ZBBX: variants seen among roughly 807,000 people sequenced by gnomAD.
ZBBX encodes the protein zinc finger B-box domain-containing protein 1.
In ZBBX, 101 loss-of-function variants were observed where a neutral mutation model predicts 108.5. The ratio of observed to expected loss-of-function variants is 0.93; its 90% CI spans 0.79 to 1.10. ZBBX has a LOEUF of 1.10. ZBBX is among the 50% of genes least tolerant of loss of function. ZBBX has a pLI of 0.00. For synonymous variants in ZBBX, 356 were observed against 323.4 expected (o/e 1.10, Z -1.08); for missense variants, 1,009 against 941.4 (o/e 1.07, Z -0.94).
chr3:167,396,175 C>CTTT, intron 1 of ZBBX, among the ~76,000 whole-genome samples: 1 of 152,134 alleles, frequency 6.6e-6, no homozygotes, highest in South Asian at 2.1e-4. Flanking sequence ...TCATAACCAT[C>CTTT]TTTAGTCTTT....
chr3:167,342,065 A>C (rs1740630659), intron 9 of ZBBX, among the ~76,000 whole-genome samples: 1 of 151,898 alleles, frequency 6.6e-6, no homozygotes. Flanking sequence ...AATGAATAAC[A>C]TCTTTAGGTA....
chr3:167,283,546 C>T (rs938803358), intron 19 of ZBBX, among the ~76,000 whole-genome samples: 3 of 152,156 alleles, frequency 2.0e-5, no homozygotes, highest in Admixed American at 2.0e-4. Flanking sequence ...TAACATTGTT[C>T]TCACTCTAGT....
At chr3:167,386,141 G>T (rs1196403465) in intron 1 of ZBBX, among the ~76,000 whole-genome samples, 7 of 151,786 alleles carry the variant, frequency 4.6e-5, no homozygotes, top group African/African-American at 9.7e-5. Context: ...AAGAAAGAAA[G>T]GATAAAAGGT....
At chr3:167,313,532 C>T (rs1384475722) in intron 16 of ZBBX, among the ~76,000 whole-genome samples, 5 of 151,994 alleles carry the variant, frequency 3.3e-5, no homozygotes, top group East Asian at 1.9e-4. Flanking sequence ...ATCCACCCAC[C>T]TCGCCTCCCA....
chr3:167,211,899 C>A, the ZBBX span, among the ~76,000 whole-genome samples: 4 of 152,224 alleles, frequency 2.6e-5, no homozygotes, highest in African/African-American at 9.6e-5. Context: ...GTTAGCCATT[C>A]CAGCCTTTGG....
At chr3:167,400,466 G>A (rs185676419) in intron 1 of ZBBX, among the ~76,000 whole-genome samples, 184 of 152,182 alleles carry the variant, frequency 1.2e-3, no homozygotes, top group Non-Finnish European at 2.1e-3. Flanking sequence ...GTGATGATAA[G>A]CATTTTTTCA....
the ZBBX span, among the ~76,000 whole-genome samples, chr3:167,216,038 G>A: frequency 3.3e-5 from 5 of 152,066 alleles, no homozygotes; most frequent in African/African-American, 1.2e-4. Flanking sequence ...GTGGGGAAAA[G>A]CTAGAAGCAT....
At position 167,314,003 on chromosome 3, in the gene ZBBX, C is replaced by T; in HGVS notation, c.1388G>A (p.Ser463Asn). The change falls in exon 16 of 22, where the codon AGC becomes AAC. Residue 463 changes from serine (S) to asparagine (N), a missense_variant. Transcript: ENST00000675490. Reference sequence around the variant, plus strand: ...TGAATTATCTTTATAATAAGTAGAGCTGTTTCTCAGACAAAGATTTAAGAA... The same window carrying T: ...TGAATTATCTTTATAATAAGTAGAGTTGTTTCTCAGACAAAGATTTAAGAA... ...RDFLNLCLRNSSTYYKDNSKA... is the reference protein window; with the variant it reads ...RDFLNLCLRNNSTYYKDNSKA... 3 of 1,602,882 alleles carry T rather than the reference C, an allele frequency of 1.9e-6. No individual in the cohort carries two copies. Among genetic ancestry groups the T allele is most frequent in the South Asian group, 1.1e-5 (1 of 88,542 alleles).
chr3:167,213,082 A>C, the ZBBX span, among the ~76,000 whole-genome samples: 1 of 152,208 alleles, frequency 6.6e-6, no homozygotes, highest in Admixed American at 6.5e-5. Context: ...ACCCACACAC[A>C]GGGATGAGAA....
At chr3:167,185,229 A>C in the ZBBX span, among the ~76,000 whole-genome samples, 8 of 152,320 alleles carry the variant, frequency 5.3e-5, no homozygotes, top group African/African-American at 1.9e-4. Flanking sequence ...ACAGCATTTT[A>C]AAATCTCAAA....
At chr3:167,378,024 C>T (rs1747236820) in intron 2 of ZBBX, among the ~76,000 whole-genome samples, 1 of 152,186 alleles carries the variant, frequency 6.6e-6, no homozygotes, top group Non-Finnish European at 1.5e-5. Flanking sequence ...TCATCCTTCT[C>T]TTTCCTGCCA....
At chr3:167,397,561 T>G (rs143834176) in intron 1 of ZBBX, among the ~76,000 whole-genome samples, 3,081 of 151,948 alleles carry the variant, frequency 0.02, 111 homozygotes, top group African/African-American at 0.071. Context: ...TAGAGAGTTG[T>G]GTTGACCAGC....
chr3:167,277,499 A>G (rs983151596), intron 20 of ZBBX, among the ~76,000 whole-genome samples: 1 of 152,160 alleles, frequency 6.6e-6, no homozygotes, highest in Admixed American at 6.5e-5. Context: ...AAAGAGACAA[A>G]GAAGGCCATT....
the ZBBX span, among the ~76,000 whole-genome samples, chr3:167,194,534 A>G: frequency 6.6e-6 from 1 of 152,204 alleles, no homozygotes; most frequent in Non-Finnish European, 1.5e-5. Context: ...GTATTTCAGA[A>G]TTTGGAAGTG....
At chr3:167,213,148 A>T in the ZBBX span, among the ~76,000 whole-genome samples, 1 of 152,194 alleles carries the variant, frequency 6.6e-6, no homozygotes, top group African/African-American at 2.4e-5. Context: ...TATATCCTAC[A>T]AATGATCACA....
At chr3:167,235,675 T>C (rs1720207794), downstream of ZBBX, among the ~76,000 whole-genome samples, 1 of 151,666 alleles carries the variant, frequency 6.6e-6, no homozygotes, top group Non-Finnish European at 1.5e-5. Flanking sequence ...CAATTAATTC[T>C]TTTCATTTTA....
Position 167,283,853 on chromosome 3 carries a change from G to A in ZBBX, c.1997-1358C>T, listed in dbSNP as rs541105835. On this transcript the variant is annotated intron_variant, in intron 19 of 21. Transcript: ENST00000675490. ...AGATGGGGTTTCACCATGTTGGCCA[G>A]GATGGTCTTGATCTCCAGACTTCAT... Among the ~76,000 whole-genome samples, 2 of 152,188 alleles carry A rather than the reference G, an allele frequency of 1.3e-5. 1 individual carries two copies. Among genetic ancestry groups the A allele is most frequent in the South Asian group, 4.1e-4 (2 of 4,828 alleles).
At chr3:167,351,423 A>T (rs1742629147) in intron 8 of ZBBX, among the ~76,000 whole-genome samples, 1 of 152,084 alleles carries the variant, frequency 6.6e-6, no homozygotes, top group Non-Finnish European at 1.5e-5. Flanking sequence ...CCTGAGAGAG[A>T]ACACTGGAAT....
intron 9 of ZBBX, among the ~76,000 whole-genome samples, chr3:167,348,333 A>C (rs1034639322): frequency 9.3e-6 from 1 of 107,320 alleles, no homozygotes; most frequent in African/African-American, 3.8e-5. Flanking sequence ...AGAAAGAAAG[A>C]AAGAAAGAAA....
Sources: gnomAD v4.1 joint callset for allele counts (sites outside exome capture counted in the v4.1 genomes callset) on GRCh38, gnomAD v4.1.1 for gene constraint, MANE v1.5 for transcripts, NCBI Gene and HGNC (gene_info 2026-07-23, HGNC 2026-07-21) for gene names.